The following OCSTAMP variants were observed in gnomAD, a reference collection of about 807,000 sequenced individuals.
OCSTAMP encodes osteoclast stimulatory transmembrane protein.
OCSTAMP carries 17 observed loss-of-function variants against 25.2 expected under a neutral mutation model. That is an observed-to-expected ratio of 0.68 (90% CI 0.46 to 1.01). The LOEUF is 1.01. Among genes scored for constraint, OCSTAMP ranks in the 50% least tolerant of loss-of-function variants. The pLI is 0.00. For missense variants in OCSTAMP, 664 were observed against 694.6 expected (o/e 0.96, Z 0.50); for synonymous variants, 345 against 318.9 (o/e 1.08, Z -0.87).
rs1601100506 is a variant in OCSTAMP at position 46,541,556 on chromosome 20, T to G, written c.1419A>C (p.Arg473Ser). 1.3e-6 allele frequency: 2 copies of G among 1,551,642 alleles called. No individual in the cohort carries two copies. The highest frequency in any genetic ancestry group is 1.7e-6 in the Non-Finnish European group (2 of 1,146,960). The change falls in exon 3 of 3, where the codon AGA becomes AGC. Residue 473 changes from arginine to serine, a missense_variant. Transcript: ENST00000279028. ...LGDPSCVPTP[R>S]PACKPPAWID... ...TCCATGCCGGAGGCTTGCAGGCAGGTCTGGGTGTGGGGACGCAAGAAGGAT... is the reference window on the plus strand; with the variant it reads ...TCCATGCCGGAGGCTTGCAGGCAGGGCTGGGTGTGGGGACGCAAGAAGGAT...
chr20:46,548,345 T>C (rs773430377), intron 1 of OCSTAMP, among the ~76,000 whole-genome samples: 1 of 152,208 alleles, frequency 6.6e-6, no homozygotes, highest in Non-Finnish European at 1.5e-5. Context: ...AGGGACTTTG[T>C]CCGTTTTGGT....
rs182435240 is a variant in OCSTAMP at position 46,545,651 on chromosome 20, C to A, written c.723G>T (p.Ser241=). The A allele has an allele frequency of 6.4e-7, 1 of 1,551,660 alleles. No individual in the cohort carries two copies. The highest frequency in any genetic ancestry group is 1.4e-5 in the African/African-American group (1 of 73,164). Residue 241 remains serine, a synonymous_variant, in exon 2 of 3, where the codon TCG becomes TCT. Coordinates refer to ENST00000279028, the MANE Select transcript of OCSTAMP (RefSeq NM_080721.3). ...TCAGGTAGCAATGGAGGTACCATGC[C>A]GACTCCACCAGGAGGCCCAACATAA... The part of the protein sequence containing the change: ...GLFMLGLLVE[S]AWYLHCYLTD...
chr20:46,543,257 CTTCT>C (rs1246096474), intron 2 of OCSTAMP, among the ~76,000 whole-genome samples: 1 of 118,916 alleles, frequency 8.4e-6, no homozygotes, highest in Non-Finnish European at 1.7e-5. Flanking sequence ...TCTTTCTTTC[CTTCT>C]TTCTTTTCTT....
rs2061852280 is a variant in OCSTAMP, at chr20:46,546,231, A to C, written c.143T>G (p.Leu48Arg). 6.4e-7 allele frequency: 1 copy of C among 1,551,416 alleles called. No homozygotes were observed. The highest frequency in any genetic ancestry group is 8.7e-7 in the Non-Finnish European group (1 of 1,146,998). The change falls in exon 2 of 3, where the codon CTG becomes CGG. Residue 48 changes from leucine (L) to arginine (R), a missense_variant. Transcript: ENST00000279028. ...GGCACACAGGAGGAGCTGGGTCAGC[A>C]GCTGGCCACAGCTGGCTGGAACAGG... ...SQPVPASCGQ[L>R]LTQLLLCASL...
chr20:46,543,417 C>T (rs2061842027), intron 2 of OCSTAMP, among the ~76,000 whole-genome samples: 1 of 150,622 alleles, frequency 6.6e-6, no homozygotes, highest in Non-Finnish European at 1.5e-5. Flanking sequence ...CAAACTTTGC[C>T]TCCCAGGTTC....
At chr20:46,542,346 G>C (rs1316230440) in intron 2 of OCSTAMP, among the ~76,000 whole-genome samples, 2 of 152,150 alleles carry the variant, frequency 1.3e-5, no homozygotes, top group African/African-American at 4.8e-5. Context: ...CTGGGAGGCC[G>C]AGGCGGGTGG....
intron 2 of OCSTAMP, among the ~76,000 whole-genome samples, chr20:46,544,185 C>T (rs1348128571): frequency 6.6e-6 from 1 of 152,170 alleles, no homozygotes; most frequent in African/African-American, 2.4e-5. Flanking sequence ...CACCACTGCA[C>T]CACTGCATTC....
Position 46,545,865 on chromosome 20 carries a change from G to A in OCSTAMP, c.509C>T (p.Ala170Val), listed in dbSNP as rs2061850297. 6.4e-7 allele frequency: 1 copy of A among 1,551,350 alleles called. No homozygotes were observed. Among genetic ancestry groups the A allele is most frequent in the Non-Finnish European group, 8.7e-7 (1 of 1,146,970 alleles). Reference protein sequence around the residue: ...LLNTTHQLHAASRALGPTGQA... With the variant: ...LLNTTHQLHAVSRALGPTGQA... Reference sequence around the variant, plus strand: ...GCCTGTGGGGCCCAGAGCCCTGGATGCTGCATGCAGCTGGTGAGTGGTATT... The same window carrying A: ...GCCTGTGGGGCCCAGAGCCCTGGATACTGCATGCAGCTGGTGAGTGGTATT... The change falls in exon 2 of 3, where the codon GCA (alanine) becomes GTA (valine). Residue 170 changes from alanine to valine, a missense_variant. Transcript: ENST00000279028.
At chr20:46,548,973 G>T (rs899905231) in intron 1 of OCSTAMP, among the ~76,000 whole-genome samples, 2 of 152,228 alleles carry the variant, frequency 1.3e-5, no homozygotes, top group African/African-American at 4.8e-5. Flanking sequence ...CATGTAGTAT[G>T]AGTCGGCCTG....
Position 46,546,152 on chromosome 20 carries a change from C to G in OCSTAMP, c.222G>C (p.Leu74=). The G allele has an allele frequency of 6.4e-7, 1 of 1,551,772 alleles. No homozygotes were observed. The highest frequency in any genetic ancestry group is 8.7e-7 in the Non-Finnish European group (1 of 1,147,010). ...TGGCTGAAGGTCCAGGAGGATAAAGCAGCAAGGATGCCAGCCAGTGATAAA... is the reference window on the plus strand; with the variant it reads ...TGGCTGAAGGTCCAGGAGGATAAAGGAGCAAGGATGCCAGCCAGTGATAAA... ...GLVYHWLASL[L]LYPPGPSAMV... is the part of the protein sequence containing the mutation. Residue 74 remains leucine, a synonymous_variant, in exon 2 of 3, where the codon CTG becomes CTC. Transcript: ENST00000279028.
chr20:46,543,257 CTTCTTTCTT>C (rs1189614116), intron 2 of OCSTAMP, among the ~76,000 whole-genome samples: 17 of 118,914 alleles, frequency 1.4e-4, no homozygotes, highest in African/African-American at 5.8e-4. Context: ...TCTTTCTTTC[CTTCTTTCTT>C]TTCTTTCTCT....
In OCSTAMP at chr20:46,546,079, C is replaced by A. The variant is rs2061851392; in HGVS notation, c.295G>T (p.Val99Leu). ...GCAAACAGGCAGCGGACTGGGGGTACCAGGCCCAGGCTCAGGAAGACCAGG... is the reference window on the plus strand; with the variant it reads ...GCAAACAGGCAGCGGACTGGGGGTAACAGGCCCAGGCTCAGGAAGACCAGG... ...GLLVFLSLGLVPPVRCLFALS... is the reference protein window; with the variant it reads ...GLLVFLSLGLLPPVRCLFALS... The change falls in exon 2 of 3, where the codon GTA (valine) becomes TTA (leucine). Residue 99 changes from valine to leucine, a missense_variant. Transcript: ENST00000279028. 1 of 1,551,528 alleles carries A rather than the reference C, an allele frequency of 6.4e-7. No individual in the cohort carries two copies. The highest frequency in any genetic ancestry group is 8.7e-7 in the Non-Finnish European group (1 of 1,147,008).
intron 1 of OCSTAMP, among the ~76,000 whole-genome samples, chr20:46,548,110 G>A (rs2061858663): frequency 6.6e-6 from 1 of 152,208 alleles, no homozygotes; most frequent in African/African-American, 2.4e-5. Flanking sequence ...GCAGAGCAGA[G>A]TAATGTTAAG....
In OCSTAMP at chr20:46,545,409, A is replaced by C. The variant is rs1177708491; in HGVS notation, c.965T>G (p.Val322Gly). Reference sequence around the variant, plus strand: ...AGTAGCCTGTGCCAGGAGGAAGGCTACATGGTCTGTGGCCACCGCCACAGC... The same window carrying C: ...AGTAGCCTGTGCCAGGAGGAAGGCTCCATGGTCTGTGGCCACCGCCACAGC... ...ATAVAVATDHVAFLLAQATVD... is the reference protein window; with the variant it reads ...ATAVAVATDHGAFLLAQATVD... Residue 322 changes from valine to glycine, a missense_variant, in exon 2 of 3, where the codon GTA becomes GGA. Coordinates refer to ENST00000279028, the MANE Select transcript of OCSTAMP (RefSeq NM_080721.3). 36 of 1,547,904 alleles carry C rather than the reference A, an allele frequency of 2.3e-5. No homozygotes were observed. The East Asian group carries it at 8.3e-4, about 36-fold the overall frequency.
intron 2 of OCSTAMP, among the ~76,000 whole-genome samples, chr20:46,543,897 T>C (rs1028484412): frequency 6.6e-6 from 1 of 152,152 alleles, no homozygotes; most frequent in African/African-American, 2.4e-5. Context: ...ATTTCTTTAC[T>C]GTGACCTATG....
intron 1 of OCSTAMP, among the ~76,000 whole-genome samples, chr20:46,549,039 G>A (rs2061861937): frequency 6.6e-6 from 1 of 152,190 alleles, no homozygotes; most frequent in Admixed American, 6.5e-5. Flanking sequence ...AGTCCCAGTG[G>A]CCTTGTTGGA....
intron 1 of OCSTAMP, among the ~76,000 whole-genome samples, chr20:46,549,808 C>CTGTGTGTGTGTG (rs3971980): frequency 0.019 from 2,785 of 149,232 alleles, 67 homozygotes; most frequent in African/African-American, 0.056. Context: ...GTGGCCCACT[C>CTGTGTGTGTGTG]TGTGTGTGTG....
intron 2 of OCSTAMP, among the ~76,000 whole-genome samples, chr20:46,542,409 G>A (rs999146753): frequency 2.0e-5 from 3 of 151,888 alleles, no homozygotes; most frequent in Non-Finnish European, 2.9e-5. Context: ...GTGAAATCCC[G>A]TCTCTACTAA....
At chr20:46,549,335 C>T (rs1385010294) in intron 1 of OCSTAMP, among the ~76,000 whole-genome samples, 2 of 152,204 alleles carry the variant, frequency 1.3e-5, no homozygotes, top group Non-Finnish European at 2.9e-5. Flanking sequence ...CTCGAGTCTC[C>T]TCTGTGCCCA....
Sources: gnomAD v4.1 joint callset for allele counts (sites outside exome capture counted in the v4.1 genomes callset) on GRCh38, gnomAD v4.1.1 for gene constraint, MANE v1.5 for transcripts, NCBI Gene and HGNC (gene_info 2026-07-23, HGNC 2026-07-21) for gene names.